TTLL1: variants seen among roughly 807,000 people sequenced by gnomAD.
TTLL1 encodes the protein polyglutamylase complex subunit TTLL1.
A neutral mutation model predicts 47.8 loss-of-function variants in TTLL1; 33 were observed. The ratio of observed to expected loss-of-function variants is 0.69; its 90% confidence interval spans 0.52 to 0.92. The LOEUF (loss-of-function observed/expected upper bound fraction) is 0.92, where lower values mean the gene tolerates loss of function less well. TTLL1 is among the 40% of genes least tolerant of loss of function. The pLI, the probability that TTLL1 is intolerant of heterozygous loss-of-function variation, is 0.00. For missense variants in TTLL1, 488 were observed against 547.5 expected (o/e 0.89, Z 1.08); for synonymous variants, 225 against 214.1 (o/e 1.05, Z -0.45).
chr22:43,071,991 CAT>C (rs57590705), intron 3 of TTLL1, among the ~76,000 whole-genome samples: 18,714 of 152,150 alleles, frequency 0.12, 1,560 homozygotes, highest in East Asian at 0.39. Context: ...AGGGCACCCA[CAT>C]GTTTCCAACA....
chr22:43,088,324 C>CTTTTTTTTTTTTTTT (rs1167618669), intron 1 of TTLL1, among the ~76,000 whole-genome samples: 5 of 56,468 alleles, frequency 8.9e-5, no homozygotes, highest in African/African-American at 2.9e-4. Flanking sequence ...AAGGGCCCAT[C>CTTTTTTTTTTTTTTT]TTTTTTTTTT....
In TTLL1 at chr22:43,046,487, G is replaced by A. The variant is rs767079151; in HGVS notation, c.1065C>T (p.Ala355=). The change falls in exon 10 of 11, where the codon GCC becomes GCT. Residue 355 remains alanine, a synonymous_variant. Coordinates refer to ENST00000266254, the MANE Select transcript of TTLL1 (RefSeq NM_012263.5). The part of the protein sequence containing the change: ...YNLINDTLNI[A]VPNGEIPDCK... Reference sequence around the variant, plus strand: ...AGTCTGGGATTTCACCATTCGGGACGGCGATGTTGAGGGTGTCATTAATCA... The same window carrying A: ...AGTCTGGGATTTCACCATTCGGGACAGCGATGTTGAGGGTGTCATTAATCA... The A allele has an allele frequency of 1.2e-5, 20 of 1,614,082 alleles. No homozygotes were observed. The highest frequency in any genetic ancestry group is 6.7e-5 in the East Asian group (3 of 44,878).
intron 3 of TTLL1, among the ~76,000 whole-genome samples, chr22:43,073,626 G>T (rs1452942365): frequency 6.6e-6 from 1 of 151,990 alleles, no homozygotes; most frequent in Non-Finnish European, 1.5e-5. Context: ...AAAGTGCTGG[G>T]ATTACAGGCA....
intron 1 of TTLL1, among the ~76,000 whole-genome samples, chr22:43,081,138 A>T (rs1928858718): frequency 6.6e-6 from 1 of 150,626 alleles, no homozygotes. Context: ...CTGGTCTCAA[A>T]CTCCCGACCT....
chr22:43,072,434 G>A lies in TTLL1; in HGVS notation c.114-2590C>T, dbSNP rs148214717. Reference sequence around the variant, plus strand: ...CTCCCAAAGTGCTGGGATTACAGGCGTGAGCCACCGCGCCTGGCCACCATC... The same window carrying A: ...CTCCCAAAGTGCTGGGATTACAGGCATGAGCCACCGCGCCTGGCCACCATC... On this transcript the variant is annotated intron_variant, in intron 3 of 10. Transcript: ENST00000266254. Among the ~76,000 whole-genome samples, 30 of 151,766 alleles carry A rather than the reference G, an allele frequency of 2.0e-4. No homozygotes were observed. In the East Asian group the frequency reaches 5.1e-3, roughly 26 times the overall value.
At chr22:43,072,373 C>G (rs377374248) in intron 3 of TTLL1, among the ~76,000 whole-genome samples, 29 of 152,194 alleles carry the variant, frequency 1.9e-4, no homozygotes, top group East Asian at 9.7e-4. Flanking sequence ...CCTGGATAGT[C>G]TCGATCTCCT....
intron 9 of TTLL1, among the ~76,000 whole-genome samples, 189 bp from the exon 10 acceptor site, chr22:43,046,762 C>T (rs1247487655): frequency 2.6e-5 from 4 of 152,134 alleles, no homozygotes; most frequent in Non-Finnish European, 4.4e-5. Flanking sequence ...CTCCGCCTCC[C>T]GGGCTCAAGC....
chr22:43,076,730 G>C (rs1205492717), intron 2 of TTLL1, among the ~76,000 whole-genome samples: 4 of 151,700 alleles, frequency 2.6e-5, no homozygotes, highest in Non-Finnish European at 5.9e-5. Flanking sequence ...CAGCTTGGGC[G>C]ATAGAGCGAG....
chr22:43,059,918 G>C (rs1465133973), intron 7 of TTLL1, among the ~76,000 whole-genome samples: 1 of 152,140 alleles, frequency 6.6e-6, no homozygotes, highest in Non-Finnish European at 1.5e-5. Flanking sequence ...TTGAACTCCT[G>C]GCCTCAAGGG....
intron 1 of TTLL1, among the ~76,000 whole-genome samples, chr22:43,087,683 C>G (rs1453574812): frequency 7.0e-6 from 1 of 142,802 alleles, no homozygotes; most frequent in African/African-American, 2.6e-5. Context: ...ACTAAAAATA[C>G]AAATATCAGC....
chr22:43,068,359 A>T (rs1434388508), intron 5 of TTLL1, 51 bp downstream of exon 5: 18 of 1,408,670 alleles, frequency 1.3e-5, no homozygotes, highest in Non-Finnish European at 1.7e-5. Flanking sequence ...GAACAGCATA[A>T]AACGGTGAAC....
At position 43,076,514 on chromosome 22, in the gene TTLL1, G is replaced by A. The variant is rs188545374; in HGVS notation, c.-4-924C>T. ...CGCCTGTAATCCCAACACTTTGGGC[G>A]GCCAAGGTGGGCAGATCATGAGGTC... On this transcript the variant is annotated intron_variant, in intron 2 of 10. Transcript: ENST00000266254. Among the ~76,000 whole-genome samples the A allele has an allele frequency of 1.7e-3, 252 of 152,082 alleles. 1 individual carries two copies. The highest frequency in any genetic ancestry group is 2.2e-3 in the Non-Finnish European group (147 of 67,994).
intron 10 of TTLL1, 86 bp from the exon 11 acceptor site, chr22:43,039,991 A>C: frequency 6.6e-7 from 1 of 1,511,424 alleles, no homozygotes; most frequent in South Asian, 1.2e-5. Context: ...GGCAAATATG[A>C]CATCACCCAG....
At chr22:43,070,344 A>G (rs1445948286) in intron 3 of TTLL1, 1 of 533,482 alleles carries the variant, frequency 1.9e-6, no homozygotes, top group African/African-American at 2.0e-5. Context: ...ACAGAGTTGA[A>G]AGAGAAATAG....
intron 3 of TTLL1, 78 bp from the exon 4 acceptor site, chr22:43,069,922 A>C (rs936107721): frequency 3.0e-5 from 47 of 1,550,134 alleles, no homozygotes; most frequent in Non-Finnish European, 3.9e-5. Context: ...CCCCGCAAAC[A>C]CCCTGAACCC....
chr22:43,072,387 C>G (rs982010732), intron 3 of TTLL1, among the ~76,000 whole-genome samples: 1 of 152,076 alleles, frequency 6.6e-6, no homozygotes, highest in Admixed American at 6.6e-5. Flanking sequence ...ATCTCCTGAC[C>G]TTGTGATCCG....
At chr22:43,060,549 A>G (rs557239972) in intron 7 of TTLL1, among the ~76,000 whole-genome samples, 33 of 152,138 alleles carry the variant, frequency 2.2e-4, no homozygotes, top group African/African-American at 8.0e-4. Context: ...CTCTCTAACA[A>G]CCTTGAGAAG....
At position 43,049,961 on chromosome 22, in the gene TTLL1, C is replaced by T. The variant is rs558188234; in HGVS notation, c.978+1840G>A. 3.1e-4 allele frequency among the ~76,000 whole-genome samples: 47 copies of T among 151,392 alleles called. No homozygotes were observed. The South Asian group carries it at 5.6e-3, about 18-fold the overall frequency. On this transcript the variant is annotated intron_variant, in intron 9 of 10. Coordinates refer to ENST00000266254, the MANE Select transcript of TTLL1 (RefSeq NM_012263.5). ...AATACAAAAAATTAGCCAGGGTTGG[C>T]GGCATGCACCCGTAGTCCCAGCTAC... is the stretch of plus-strand genomic sequence containing the variant.
intron 2 of TTLL1, among the ~76,000 whole-genome samples, chr22:43,076,698 CAG>C (rs1928521669): frequency 6.6e-6 from 1 of 151,300 alleles, no homozygotes; most frequent in Non-Finnish European, 1.5e-5. Flanking sequence ...TTGCAGTGGG[CAG>C]AGATTGCGCC....
Sources: allele counts gnomAD v4.1 joint callset (sites outside exome capture counted in the v4.1 genomes callset), GRCh38; gene constraint gnomAD v4.1.1; transcripts MANE v1.5; gene names NCBI Gene and HGNC (gene_info 2026-07-23, HGNC 2026-07-21).